The following TECRL variants were observed in gnomAD, a reference collection of about 807,000 sequenced individuals.
The protein encoded by TECRL is trans-2,3-enoyl-CoA reductase like.
TECRL carries 63 observed loss-of-function variants against 52.8 expected under a neutral mutation model. That is an observed-to-expected ratio of 1.19 (90% CI 0.97 to 1.47). The LOEUF (loss-of-function observed/expected upper bound fraction) is 1.47, where lower values mean the gene tolerates loss of function less well. TECRL is among the 40% of genes most tolerant of loss of function. The pLI is 0.00. For synonymous variants in TECRL, 164 were observed against 141.9 expected (o/e 1.16, Z -1.10); for missense variants, 482 against 429.6 (o/e 1.12, Z -1.08).
intron 5 of TECRL, 110 bp from the exon 6 acceptor site, chr4:64,310,041 A>G: frequency 1.7e-6 from 1 of 588,872 alleles, no homozygotes; most frequent in Non-Finnish European, 3.0e-6. Context: ...ATTGGGAAAC[A>G]TTGTTTCTGG....
chr4:64,375,247 T>A (rs908077004), intron 1 of TECRL, 24 bp from the exon 2 acceptor site: 2 of 1,264,242 alleles, frequency 1.6e-6, no homozygotes, highest in East Asian at 3.0e-5. Context: ...GAAAATAGAG[T>A]TATTTTTAAA....
intron 1 of TECRL, among the ~76,000 whole-genome samples, chr4:64,378,497 A>G (rs1309564042): frequency 2.6e-5 from 4 of 152,094 alleles, no homozygotes; most frequent in Non-Finnish European, 4.4e-5. Flanking sequence ...TGTCTCAAAC[A>G]AACAAACAAA....
chr4:64,361,000 C>T (rs1165362932), intron 2 of TECRL, among the ~76,000 whole-genome samples: 1 of 152,128 alleles, frequency 6.6e-6, no homozygotes, highest in African/African-American at 2.4e-5. Context: ...TGGCTTTAGC[C>T]TTTGTTATCT....
intron 1 of TECRL, among the ~76,000 whole-genome samples, chr4:64,390,032 C>T (rs1171578903): frequency 6.6e-6 from 1 of 151,794 alleles, no homozygotes; most frequent in Non-Finnish European, 1.5e-5. Context: ...TGACTTCTAC[C>T]TGATGAGTGT....
intron 2 of TECRL, among the ~76,000 whole-genome samples, chr4:64,374,081 A>ATATATATATT (rs1242146303): frequency 7.9e-5 from 8 of 101,174 alleles, no homozygotes; most frequent in African/African-American, 3.0e-4. Context: ...ATATATATAT[A>ATATATATATT]TTTATCTTTT....
At chr4:64,289,893 A>T in intron 8 of TECRL, 126 bp from the exon 9 acceptor site, 1 of 546,044 alleles carries the variant, frequency 1.8e-6, no homozygotes. Context: ...TATATATTTT[A>T]TTCTAATCAT....
intron 1 of TECRL, among the ~76,000 whole-genome samples, chr4:64,401,027 T>A (rs1365044280): frequency 4.6e-5 from 7 of 152,116 alleles, no homozygotes; most frequent in Admixed American, 2.0e-4. Flanking sequence ...CCTAAGCAGA[T>A]CCCAATACTA....
chr4:64,309,681 C>T (rs750886405), intron 6 of TECRL, 145 bp downstream of exon 6: 3 of 661,520 alleles, frequency 4.5e-6, no homozygotes, highest in Non-Finnish European at 8.1e-6. Context: ...AAAAGAATGA[C>T]ATTTTAGGAA....
At chr4:64,307,382 C>T (rs1322182501) in intron 6 of TECRL, among the ~76,000 whole-genome samples, 1 of 152,100 alleles carries the variant, frequency 6.6e-6, no homozygotes, top group Non-Finnish European at 1.5e-5. Context: ...GTGACTATTC[C>T]TACCTTCCAG....
intron 1 of TECRL, among the ~76,000 whole-genome samples, chr4:64,400,615 G>T (rs1291251042): frequency 6.6e-6 from 1 of 152,080 alleles, no homozygotes; most frequent in African/African-American, 2.4e-5. Context: ...TGGATCATGG[G>T]GGAAGATTTC....
intron 2 of TECRL, among the ~76,000 whole-genome samples, chr4:64,355,335 C>T (rs1720689185): frequency 6.6e-6 from 1 of 151,940 alleles, no homozygotes. Flanking sequence ...ACCCTAAAAA[C>T]ATTCGGTCAA....
chr4:64,364,109 C>G (rs190101645), intron 2 of TECRL, among the ~76,000 whole-genome samples: 2 of 152,106 alleles, frequency 1.3e-5, no homozygotes, highest in Admixed American at 1.3e-4. Context: ...AAGAAGATCT[C>G]TCAGAGCCAT....
intron 2 of TECRL, among the ~76,000 whole-genome samples, chr4:64,353,701 T>C (rs1472061004): frequency 6.6e-6 from 1 of 152,096 alleles, no homozygotes; most frequent in East Asian, 1.9e-4. Context: ...TAATGTACAG[T>C]GGAAAGTTCT....
At chr4:64,343,154 G>C in intron 2 of TECRL, among the ~76,000 whole-genome samples, 1 of 152,068 alleles carries the variant, frequency 6.6e-6, no homozygotes, top group East Asian at 1.9e-4. Flanking sequence ...AATTAACAAA[G>C]ATAAAGGGAA....
At chr4:64,382,811 AG>A (rs1366633062) in intron 1 of TECRL, among the ~76,000 whole-genome samples, 5 of 151,262 alleles carry the variant, frequency 3.3e-5, no homozygotes, top group Non-Finnish European at 5.9e-5. Flanking sequence ...CTATCATTGC[AG>A]TTTGGTGGTT....
chr4:64,283,706 G>A (rs1252636783), intron 9 of TECRL, among the ~76,000 whole-genome samples: 1 of 152,014 alleles, frequency 6.6e-6, no homozygotes, highest in Admixed American at 6.6e-5. Context: ...AACTGCAAAA[G>A]TAGTCAAACT....
chr4:64,338,040 G>A (rs1319389731), intron 2 of TECRL, among the ~76,000 whole-genome samples: 5 of 152,056 alleles, frequency 3.3e-5, no homozygotes, highest in Admixed American at 3.3e-4. Flanking sequence ...AATACTATAA[G>A]GCTACAATAA....
chr4:64,373,802 A>G (rs1006955706), intron 2 of TECRL, among the ~76,000 whole-genome samples: 1 of 151,384 alleles, frequency 6.6e-6, no homozygotes, highest in South Asian at 2.1e-4. Flanking sequence ...AAGTCAGTGT[A>G]ATGCCACAAA....
chr4:64,371,267 A>T (rs1721954482), intron 2 of TECRL, among the ~76,000 whole-genome samples: 1 of 151,242 alleles, frequency 6.6e-6, no homozygotes, highest in Non-Finnish European at 1.5e-5. Flanking sequence ...TCAATTCAAT[A>T]ATAAAATACA....
Sources: allele counts gnomAD v4.1 joint callset (sites outside exome capture counted in the v4.1 genomes callset), GRCh38; gene constraint gnomAD v4.1.1; transcripts MANE v1.5; gene names NCBI Gene and HGNC (gene_info 2026-07-23, HGNC 2026-07-21).